The following TPH2 variants were observed in gnomAD, a reference collection of about 807,000 sequenced individuals.
TPH2 encodes tryptophan 5-hydroxylase 2.
TPH2 carries 27 observed loss-of-function variants against 59.1 expected under a neutral mutation model. That is an observed-to-expected ratio of 0.46 (90% CI 0.34 to 0.63). The LOEUF is 0.63. Among genes scored for constraint, TPH2 ranks in the 30% least tolerant of loss-of-function variants. TPH2 has a pLI of 0.01. For missense variants in TPH2, 523 were observed against 588.3 expected (o/e 0.89, Z 1.15); for synonymous variants, 220 against 210.5 (o/e 1.05, Z -0.39).
chr12:72,032,346 A>T lies in TPH2; in HGVS notation c.*651A>T, dbSNP rs1370760814. 1 of 154,158 alleles carries T rather than the reference A, an allele frequency of 6.5e-6. No individual in the cohort carries two copies. The highest frequency in any genetic ancestry group is 1.4e-5 in the Non-Finnish European group (1 of 69,376). The allele number at this position is 154,158 out of a possible 1,614,324, so 9.5% of individuals were successfully genotyped here. ...AGCTTCCTGAAGTATTTTGGAAGAT[A>T]GTACTTCCGGAAAGGACATTAGGAA... On this transcript the variant is annotated 3_prime_UTR_variant, in exon 11 of 11. Coordinates refer to ENST00000333850, the MANE Select transcript of TPH2 (RefSeq NM_173353.4).
intron 1 of TPH2, among the ~76,000 whole-genome samples, chr12:71,939,592 G>C (rs1352503769): frequency 6.6e-6 from 1 of 152,144 alleles, no homozygotes; most frequent in Non-Finnish European, 1.5e-5. Context: ...ATGGGTGCAG[G>C]TTATTGGAAT....
chr12:71,975,303 C>A (rs1872085101), intron 6 of TPH2, among the ~76,000 whole-genome samples: 1 of 152,138 alleles, frequency 6.6e-6, no homozygotes, highest in Non-Finnish European at 1.5e-5. Flanking sequence ...TGAGATCACG[C>A]CACTGCACTC....
intron 5 of TPH2, among the ~76,000 whole-genome samples, chr12:71,956,695 G>A (rs1871516507): frequency 6.6e-6 from 1 of 151,726 alleles, no homozygotes; most frequent in African/African-American, 2.4e-5. Context: ...CTGCAACCTT[G>A]ACCTATCGGG....
chr12:72,016,810 T>C (rs1057505805), intron 8 of TPH2, among the ~76,000 whole-genome samples: 2 of 152,182 alleles, frequency 1.3e-5, no homozygotes, highest in Non-Finnish European at 2.9e-5. Flanking sequence ...GCCAATATCC[T>C]GGAGGAAGTG....
At chr12:71,962,077 G>A in intron 5 of TPH2, 1 of 1,000,654 alleles carries the variant, frequency 1.0e-6, no homozygotes, top group South Asian at 4.4e-5. Flanking sequence ...GGGACTAGCT[G>A]AAAATGCGTT....
chr12:71,986,484 C>A (rs547873655), intron 7 of TPH2, among the ~76,000 whole-genome samples: 1 of 152,240 alleles, frequency 6.6e-6, no homozygotes, highest in African/African-American at 2.4e-5. Context: ...ATATACATTC[C>A]ATTTTTAAAA....
chr12:72,031,736 C>T lies in TPH2; in HGVS notation c.*41C>T. Reference sequence around the variant, plus strand: ...TGTTGCCAGCATGATCTTTTTGGGGCTTAGCAGCAGTTCAGTCAATGTCAT... The same window carrying T: ...TGTTGCCAGCATGATCTTTTTGGGGTTTAGCAGCAGTTCAGTCAATGTCAT... On this transcript the variant is annotated 3_prime_UTR_variant, in exon 11 of 11. Transcript: ENST00000333850. 1 of 1,611,230 alleles carries T rather than the reference C, an allele frequency of 6.2e-7. No individual in the cohort carries two copies. Among genetic ancestry groups the T allele is most frequent in the Non-Finnish European group, 8.5e-7 (1 of 1,177,724 alleles).
intron 5 of TPH2, among the ~76,000 whole-genome samples, chr12:71,968,379 G>T (rs1434942957): frequency 3.9e-5 from 6 of 152,174 alleles, no homozygotes; most frequent in Admixed American, 3.9e-4. Context: ...CATCTTTCTC[G>T]CAGGCACACC....
At chr12:72,020,963 T>C (rs2139243821) in intron 8 of TPH2, among the ~76,000 whole-genome samples, 1 of 152,312 alleles carries the variant, frequency 6.6e-6, no homozygotes, top group South Asian at 2.1e-4. Context: ...ATAACCTTCC[T>C]GAACCAAGGG....
chr12:71,954,446 A>T (rs1270223220), intron 5 of TPH2, among the ~76,000 whole-genome samples: 2 of 152,138 alleles, frequency 1.3e-5, no homozygotes, highest in African/African-American at 4.8e-5. Context: ...CACGCAGATC[A>T]TGCCTCTCCT....
intron 7 of TPH2, among the ~76,000 whole-genome samples, chr12:71,980,332 TG>T (rs1401554853): frequency 1.3e-5 from 2 of 152,102 alleles, no homozygotes; most frequent in African/African-American, 4.8e-5. Flanking sequence ...TTGTGGTTAA[TG>T]GGTTGCCATG....
chr12:71,992,426 A>AC (rs1297657183), intron 7 of TPH2, among the ~76,000 whole-genome samples: 2 of 86,754 alleles, frequency 2.3e-5, no homozygotes, highest in Non-Finnish European at 4.6e-5. Context: ...CCCCACCCCC[A>AC]CCCCCGCCCC....
chr12:71,958,444 A>T (rs1871576460), intron 5 of TPH2, among the ~76,000 whole-genome samples: 1 of 152,240 alleles, frequency 6.6e-6, no homozygotes, highest in South Asian at 2.1e-4. Context: ...TGTAAAAGTT[A>T]TTCTCCTTAC....
intron 1 of TPH2, 75 bp from the exon 2 acceptor site, chr12:71,941,509 G>T: frequency 6.5e-7 from 1 of 1,537,250 alleles, no homozygotes; most frequent in Admixed American, 1.9e-5. Context: ...TGACATGTAT[G>T]GGAAAAATCT....
intron 7 of TPH2, among the ~76,000 whole-genome samples, chr12:71,988,620 C>T (rs533046007): frequency 6.6e-6 from 1 of 152,132 alleles, no homozygotes; most frequent in Non-Finnish European, 1.5e-5. Context: ...AAATCCACCC[C>T]CGTGATCCAG....
intron 7 of TPH2, among the ~76,000 whole-genome samples, chr12:71,982,920 T>G (rs1441240121): frequency 6.6e-6 from 1 of 152,234 alleles, no homozygotes; most frequent in Non-Finnish European, 1.5e-5. Context: ...ACACATTGGA[T>G]TTTAAACATA....
intron 7 of TPH2, among the ~76,000 whole-genome samples, chr12:71,991,665 T>TA (rs78078579): frequency 3.3e-5 from 5 of 152,176 alleles, no homozygotes; most frequent in South Asian, 2.1e-4. Flanking sequence ...CATGACCTTT[T>TA]AAAAAAATTG....
At chr12:71,975,409 T>G (rs1480529090) in intron 6 of TPH2, among the ~76,000 whole-genome samples, 1 of 152,146 alleles carries the variant, frequency 6.6e-6, no homozygotes, top group Non-Finnish European at 1.5e-5. Flanking sequence ...AAACAGGCAG[T>G]GGGCTGGATT....
intron 8 of TPH2, among the ~76,000 whole-genome samples, chr12:72,012,104 C>T (rs1350366911): frequency 6.6e-6 from 1 of 152,114 alleles, no homozygotes; most frequent in African/African-American, 2.4e-5. Flanking sequence ...CCTTCTCTTC[C>T]TTTCTTTCTA....
Sources: allele counts gnomAD v4.1 joint callset (sites outside exome capture counted in the v4.1 genomes callset), GRCh38; gene constraint gnomAD v4.1.1; transcripts MANE v1.5; gene names NCBI Gene and HGNC (gene_info 2026-07-23, HGNC 2026-07-21).